PLCG2: variants seen among roughly 807,000 people sequenced by gnomAD.
PLCG2 encodes phospholipase C gamma 2.
Under a neutral mutation model 175.6 loss-of-function variants are expected in PLCG2, and 69 were observed. The observed-to-expected ratio is 0.39, with a 90% CI of 0.32 to 0.48. The LOEUF (loss-of-function observed/expected upper bound fraction) is 0.48, where lower values mean the gene tolerates loss of function less well. PLCG2 is among the 20% of genes least tolerant of loss of function. The pLI is 0.91. For missense variants in PLCG2, 1,798 were observed against 1,650.9 expected, an observed-to-expected ratio of 1.09 and a Z score of -1.54; for synonymous variants, 827 against 624.0, an observed-to-expected ratio of 1.33 and a Z score of -4.85.
intron 30 of PLCG2, among the ~76,000 whole-genome samples, chr16:81,944,176 C>G (rs957275020): frequency 6.6e-5 from 10 of 152,128 alleles, no homozygotes; most frequent in African/African-American, 1.9e-4. Flanking sequence ...ATATTGATGT[C>G]TTTGTCATAC....
intron 1 of PLCG2, among the ~76,000 whole-genome samples, chr16:81,783,307 T>C (rs943465852): frequency 6.6e-6 from 1 of 152,144 alleles, no homozygotes; most frequent in Non-Finnish European, 1.5e-5. Flanking sequence ...AAAATTTTAT[T>C]ATTATATTAT....
chr16:81,887,537 T>G (rs1304189374), intron 9 of PLCG2, among the ~76,000 whole-genome samples: 1 of 152,244 alleles, frequency 6.6e-6, no homozygotes, highest in Non-Finnish European at 1.5e-5. Flanking sequence ...TTTGGGCCCC[T>G]GATCCAGGCA....
intron 1 of PLCG2, among the ~76,000 whole-genome samples, chr16:81,743,072 G>A (rs1033257857): frequency 6.6e-6 from 1 of 152,184 alleles, no homozygotes; most frequent in Non-Finnish European, 1.5e-5. Context: ...ATGCTGAAGT[G>A]GGGGGATCAC....
chr16:81,770,031 A>G (rs1397911290), intron 2 of PLCG2, among the ~76,000 whole-genome samples: 1 of 152,150 alleles, frequency 6.6e-6, no homozygotes. Context: ...TGCAAGGTAG[A>G]TATTCAATAA....
intron 2 of PLCG2, among the ~76,000 whole-genome samples, chr16:81,811,534 A>C (rs1369618362): frequency 2.0e-5 from 3 of 151,774 alleles, no homozygotes; most frequent in Non-Finnish European, 4.4e-5. Context: ...CCCAACCCCT[A>C]ACAGGCCCCA....
chr16:81,804,169 C>G (rs1334240779), intron 2 of PLCG2, among the ~76,000 whole-genome samples: 1 of 152,248 alleles, frequency 6.6e-6, no homozygotes, highest in Non-Finnish European at 1.5e-5. Context: ...TTCCCACCAG[C>G]AATGTATGAG....
chr16:81,745,169 T>C (rs764459488), intron 1 of PLCG2, among the ~76,000 whole-genome samples: 9 of 152,150 alleles, frequency 5.9e-5, no homozygotes, highest in Non-Finnish European at 1.0e-4. Context: ...TTGTGTTGGG[T>C]AACCCAGCCC....
intron 25 of PLCG2, among the ~76,000 whole-genome samples, chr16:81,933,012 C>G (rs1253620272): frequency 6.6e-6 from 1 of 152,226 alleles, no homozygotes; most frequent in African/African-American, 2.4e-5. Context: ...CACTCCAGCT[C>G]TCTCTACTTT....
chr16:81,906,093 C>G (rs1356833545), intron 15 of PLCG2: 1 of 151,544 alleles, frequency 6.6e-6, no homozygotes, highest in Non-Finnish European at 1.5e-5. Flanking sequence ...TTAATAACAT[C>G]CTACATAACC....
intron 5 of PLCG2, among the ~76,000 whole-genome samples, chr16:81,861,639 G>T (rs544146154): frequency 2.0e-5 from 3 of 152,210 alleles, no homozygotes; most frequent in African/African-American, 7.2e-5. Flanking sequence ...GTACACACTG[G>T]TCTCTTTCAG....
At chr16:81,929,095 C>A (rs1567537279) in intron 24 of PLCG2, among the ~76,000 whole-genome samples, 1 of 152,198 alleles carries the variant, frequency 6.6e-6, no homozygotes, top group Non-Finnish European at 1.5e-5. Flanking sequence ...CCCAGGAAAC[C>A]CAGCCCGCCC....
At chr16:81,890,426 A>G (rs1202156195) in intron 10 of PLCG2, among the ~76,000 whole-genome samples, 1 of 152,226 alleles carries the variant, frequency 6.6e-6, no homozygotes, top group South Asian at 2.1e-4. Context: ...GTTAGATCAG[A>G]TCTGTTTCAC....
chr16:81,897,790 C>A, intron 13 of PLCG2: 1 of 454,338 alleles, frequency 2.2e-6, no homozygotes, highest in Admixed American at 2.4e-5. Context: ...GGTGATCCTC[C>A]CGCCTCAACC....
rs1244333802 is a variant in PLCG2, at chr16:81,923,726, T to A, written c.2417+132T>A. The A allele has an allele frequency of 5.2e-6, 3 of 579,210 alleles. No homozygotes were observed. In the African/African-American group the frequency reaches 5.6e-5, roughly 11 times the overall value. The allele number at this position is 579,210 out of a possible 1,614,324, so 35.9% of individuals were successfully genotyped here. On this transcript the variant is annotated intron_variant, in intron 22 of 32. Coordinates refer to ENST00000564138, the MANE Select transcript of PLCG2 (RefSeq NM_002661.5). Reference sequence around the variant, plus strand: ...GCTGGCTTTGACCTCTTGTGTTAAGTCCCTTCTTAGGAAGGTGGCTTGGTG... The same window carrying A: ...GCTGGCTTTGACCTCTTGTGTTAAGACCCTTCTTAGGAAGGTGGCTTGGTG...
At chr16:81,912,767 C>A (rs1014479379) in intron 19 of PLCG2, 51 bp downstream of exon 19, 6 of 1,520,056 alleles carry the variant, frequency 3.9e-6, no homozygotes, top group Admixed American at 2.1e-5. Context: ...TTGGCAAGGA[C>A]AGATGCGGAG....
At chr16:81,871,127 G>C (rs533187785) in intron 7 of PLCG2, among the ~76,000 whole-genome samples, 192 bp downstream of exon 7, 37 of 152,286 alleles carry the variant, frequency 2.4e-4, no homozygotes, top group African/African-American at 7.9e-4. Flanking sequence ...TGACAGAGCT[G>C]TGGGCAAAAT....
At chr16:81,948,228 T>C (rs1305818828) in intron 31 of PLCG2, among the ~76,000 whole-genome samples, 5 of 152,222 alleles carry the variant, frequency 3.3e-5, no homozygotes, top group Admixed American at 6.5e-5. Flanking sequence ...TGCAAGTAAA[T>C]AGTTTCTCCT....
intron 2 of PLCG2, among the ~76,000 whole-genome samples, chr16:81,768,392 T>C (rs1468592303): frequency 6.6e-6 from 1 of 152,192 alleles, no homozygotes; most frequent in African/African-American, 2.4e-5. Flanking sequence ...ACATATGTTT[T>C]CATATCTCTT....
At chr16:81,874,948 GTTTTTTTTTTT>G (rs770994063) in intron 7 of PLCG2, among the ~76,000 whole-genome samples, 9 of 40,772 alleles carry the variant, frequency 2.2e-4, no homozygotes, top group African/African-American at 4.7e-4. Context: ...TATCCTATGT[GTTTTTTTTTTT>G]TTTTTTTTTT....
Sources: allele counts gnomAD v4.1 joint callset (sites outside exome capture counted in the v4.1 genomes callset), GRCh38; gene constraint gnomAD v4.1.1; transcripts MANE v1.5; gene names NCBI Gene and HGNC (gene_info 2026-07-23, HGNC 2026-07-21).